The following SNX7 variants were observed in gnomAD, a reference collection of about 807,000 sequenced individuals.
SNX7 encodes the protein sorting nexin-7.
SNX7 carries 35 observed loss-of-function variants against 48.4 expected under a neutral mutation model. The observed-to-expected ratio is 0.72, with a 90% CI of 0.55 to 0.96. SNX7 has a LOEUF of 0.96. Among genes scored for constraint, SNX7 ranks in the 40% least tolerant of loss-of-function variants. The probability of loss-of-function intolerance (pLI) is 0.00; values close to 1 mark genes in which losing one functional copy is unlikely to be tolerated. For synonymous variants in SNX7, 190 were observed against 190.2 expected (o/e 1.00, Z 0.01); for missense variants, 553 against 548.9 (o/e 1.01, Z -0.07).
chr1:98,674,943 C>A (rs960182233), intron 1 of SNX7, among the ~76,000 whole-genome samples: 1 of 152,022 alleles, frequency 6.6e-6, no homozygotes, highest in Admixed American at 6.6e-5. Context: ...CAGGAGTAAA[C>A]GTGATTTAAG....
At chr1:98,699,024 A>G in intron 6 of SNX7, 119 bp downstream of exon 6, 1 of 831,308 alleles carries the variant, frequency 1.2e-6, no homozygotes, top group Non-Finnish European at 1.9e-6. Context: ...GTTGTTTTGC[A>G]TGTAGATGTT....
rs1653900524 is a variant in SNX7 at position 98,738,355 on chromosome 1, A to G, written c.1244A>G (p.Asp415Gly). The G allele has an allele frequency of 5.0e-6, 8 of 1,613,514 alleles. No homozygotes were observed. The highest frequency in any genetic ancestry group is 5.9e-6 in the Non-Finnish European group (7 of 1,179,654). ...AATGATATCAAGTTAGCATTTACAG[A>G]TATGGCTGAGGAGAATATCCATTAT... Reference protein sequence around the residue: ...MQNDIKLAFTDMAEENIHYYE... With the variant: ...MQNDIKLAFTGMAEENIHYYE... The change falls in exon 8 of 9, where the codon GAT (aspartate) becomes GGT (glycine). Residue 415 changes from aspartate (D) to glycine (G), a missense_variant. Physicochemically the swap from Asp to Gly is moderately conservative, Grantham distance 94 (BLOSUM62 -1). Coordinates refer to ENST00000306121, the MANE Select transcript of SNX7 (RefSeq NM_015976.5).
chr1:98,661,500 C>A (rs1195704768), upstream of SNX7, among the ~76,000 whole-genome samples: 1 of 152,128 alleles, frequency 6.6e-6, no homozygotes, highest in Non-Finnish European at 1.5e-5. Context: ...CTTTCTCCAA[C>A]GTAGCCGGAG....
intron 8 of SNX7, among the ~76,000 whole-genome samples, chr1:98,742,780 A>C (rs1030799221): frequency 1.3e-5 from 2 of 151,968 alleles, no homozygotes; most frequent in Non-Finnish European, 2.9e-5. Flanking sequence ...CTATTTTAAG[A>C]TTAAATTATT....
rs183326931 is a variant in SNX7, at chr1:98,719,006, C to T, written c.1125+17103C>T. Among the ~76,000 whole-genome samples, 313 of 152,132 alleles carry T rather than the reference C, an allele frequency of 2.1e-3. 3 individuals are homozygous for T. The highest frequency in any genetic ancestry group is 2.9e-3 in the Admixed American group (45 of 15,266). On this transcript the variant is annotated intron_variant, in intron 7 of 8. Coordinates refer to ENST00000306121, the MANE Select transcript of SNX7 (RefSeq NM_015976.5). ...ATGCTTTAATGAAGAATTTTGTACACGTTATTTGTAAGTATACCAGTAGAT... is the reference window on the plus strand; with the variant it reads ...ATGCTTTAATGAAGAATTTTGTACATGTTATTTGTAAGTATACCAGTAGAT...
At chr1:98,728,555 A>G (rs12090522) in intron 7 of SNX7, among the ~76,000 whole-genome samples, 2,789 of 152,322 alleles carry the variant, frequency 0.018, 104 homozygotes, top group African/African-American at 0.064. Flanking sequence ...CAAGAGACCC[A>G]TCTCACAGGC....
chr1:98,743,042 T>C (rs1171842045), intron 8 of SNX7, among the ~76,000 whole-genome samples: 1 of 151,878 alleles, frequency 6.6e-6, no homozygotes, highest in East Asian at 1.9e-4. Context: ...AAAATAATTA[T>C]AAATATTAGC....
intron 8 of SNX7, among the ~76,000 whole-genome samples, chr1:98,746,931 T>C (rs1408198127): frequency 6.6e-6 from 1 of 152,118 alleles, no homozygotes; most frequent in African/African-American, 2.4e-5. Flanking sequence ...ATCTTTAGCA[T>C]GGAGAATGAT....
intron 8 of SNX7, among the ~76,000 whole-genome samples, chr1:98,745,366 T>C (rs1654261946): frequency 6.6e-6 from 1 of 151,980 alleles, no homozygotes. Flanking sequence ...TCCGGAGTTA[T>C]CCAGGACAGG....
At chr1:98,691,228 T>C (rs751103195) in intron 3 of SNX7, 43 bp downstream of exon 3, 9 of 1,251,292 alleles carry the variant, frequency 7.2e-6, no homozygotes, top group Non-Finnish European at 1.0e-5. Context: ...AGCTACCAGT[T>C]TTCTAGTGAG....
At chr1:98,707,120 T>G (rs1652052049) in intron 7 of SNX7, among the ~76,000 whole-genome samples, 1 of 152,116 alleles carries the variant, frequency 6.6e-6, no homozygotes, top group Non-Finnish European at 1.5e-5. Flanking sequence ...ATTTCAACAT[T>G]AAGAGATTAA....
chr1:98,706,262 G>A (rs1652001187), intron 7 of SNX7, among the ~76,000 whole-genome samples: 1 of 152,068 alleles, frequency 6.6e-6, no homozygotes, highest in African/African-American at 2.4e-5. Flanking sequence ...GAGTGTTGAG[G>A]AGCAGTGCAA....
chr1:98,742,154 T>C (rs916680186), intron 8 of SNX7, among the ~76,000 whole-genome samples: 1 of 152,250 alleles, frequency 6.6e-6, no homozygotes, highest in African/African-American at 2.4e-5. Flanking sequence ...CTTTTGGTCA[T>C]TTAATGTCTT....
intron 8 of SNX7, among the ~76,000 whole-genome samples, chr1:98,748,637 AACACACACACACACACACAC>A (rs58973289): frequency 6.9e-5 from 10 of 145,792 alleles, no homozygotes; most frequent in Non-Finnish European, 1.1e-4. Flanking sequence ...AAATGATTTA[AACACACACACACACACACAC>A]ACACACACAC....
chr1:98,692,896 T>A (rs978202863), intron 4 of SNX7, among the ~76,000 whole-genome samples: 2 of 152,230 alleles, frequency 1.3e-5, no homozygotes, highest in Non-Finnish European at 2.9e-5. Flanking sequence ...GGGTAGTAAA[T>A]GATAGACTAG....
intron 5 of SNX7, among the ~76,000 whole-genome samples, chr1:98,698,462 A>G (rs1651571930): frequency 6.6e-6 from 1 of 152,156 alleles, no homozygotes; most frequent in Non-Finnish European, 1.5e-5. Flanking sequence ...AAGCCAAGAC[A>G]TTTTTGACAC....
chr1:98,735,492 C>T (rs950535236), intron 7 of SNX7, among the ~76,000 whole-genome samples: 2 of 152,078 alleles, frequency 1.3e-5, no homozygotes, highest in Non-Finnish European at 2.9e-5. Flanking sequence ...GTGTCATTTT[C>T]TGCACTGGTG....
chr1:98,742,225 C>G (rs147824699), intron 8 of SNX7, among the ~76,000 whole-genome samples: 1 of 152,150 alleles, frequency 6.6e-6, no homozygotes, highest in East Asian at 1.9e-4. Context: ...GTAGGGAATT[C>G]ACAAATATTC....
At chr1:98,735,163 C>T (rs1653711619) in intron 7 of SNX7, among the ~76,000 whole-genome samples, 1 of 152,102 alleles carries the variant, frequency 6.6e-6, no homozygotes, top group East Asian at 1.9e-4. Flanking sequence ...AGTCAGAATG[C>T]ATAGTCTTTG....
Sources: gnomAD v4.1 joint callset for allele counts (sites outside exome capture counted in the v4.1 genomes callset) on GRCh38, gnomAD v4.1.1 for gene constraint, MANE v1.5 for transcripts, NCBI Gene and HGNC (gene_info 2026-07-23, HGNC 2026-07-21) for gene names.